Variants in FUNDC2 observed in about 807,000 individuals in gnomAD.
FUNDC2 encodes the protein FUN14 domain containing 2.
FUNDC2 carries 4 observed loss-of-function variants against 15.6 expected under a neutral mutation model. The observed-to-expected ratio is 0.26, with a 90% CI of 0.13 to 0.59. The LOEUF (loss-of-function observed/expected upper bound fraction) is 0.59. Ranked by LOEUF, FUNDC2 falls within the 20% of genes least tolerant of loss-of-function variation. FUNDC2 has a pLI of 0.90. For synonymous variants in FUNDC2, 44 were observed against 56.9 expected (o/e 0.77, Z 1.02); for missense variants, 98 against 149.7 (o/e 0.65, Z 1.80).
At chrX:155,053,683 T>G in intron 4 of FUNDC2, 1 of 203,336 alleles carries the variant, frequency 4.9e-6, no homozygotes, top group Non-Finnish European at 7.3e-6. Flanking sequence ...GAGGATGGGG[T>G]TGGTAGTGTG....
chrX:155,038,111 C>A (rs983561682), intron 2 of FUNDC2, among the ~76,000 whole-genome samples: 1 of 109,042 alleles, frequency 9.2e-6, no homozygotes, highest in African/African-American at 3.4e-5. Context: ...CCTGTAGTCC[C>A]AGCTACTTGG....
At chrX:155,050,132 G>A (rs782707773) in intron 3 of FUNDC2, 1 of 111,864 alleles carries the variant, frequency 8.9e-6, no homozygotes, top group African/African-American at 3.3e-5. Context: ...TATTTAATAG[G>A]AGTGGAGACG....
intron 1 of FUNDC2, among the ~76,000 whole-genome samples, chrX:155,030,457 C>T (rs1178202782): frequency 1.0e-4 from 11 of 107,983 alleles, no homozygotes; most frequent in Non-Finnish European, 1.9e-4. Context: ...GGGAGGATTG[C>T]TTGAGCCCAG....
chrX:155,042,591 C>T (rs1045843066), intron 2 of FUNDC2, among the ~76,000 whole-genome samples: 1 of 111,568 alleles, frequency 9.0e-6, no homozygotes, highest in Non-Finnish European at 1.9e-5. Flanking sequence ...ATATTTTTTT[C>T]TGTCCTCCTT....
At chrX:155,042,175 C>CTTTTTTTTTTTTTTTTTTTTTTTTTTTT (rs1175079092) in intron 2 of FUNDC2, among the ~76,000 whole-genome samples, 2 of 39,189 alleles carry the variant, frequency 5.1e-5, no homozygotes, top group African/African-American at 1.3e-4. Flanking sequence ...CTTTTTCTAT[C>CTTTTTTTTTTTTTTTTTTTTTTTTTTTT]TTTTTTTTTT....
chrX:155,034,549 T>C (rs1233888201), intron 2 of FUNDC2, among the ~76,000 whole-genome samples: 1 of 111,865 alleles, frequency 8.9e-6, no homozygotes, highest in African/African-American at 3.3e-5. Context: ...TGCTAGGTAA[T>C]GGGTATAGGT....
chrX:155,048,387 A>G (rs1557290201), intron 3 of FUNDC2, among the ~76,000 whole-genome samples: 1 of 112,251 alleles, frequency 8.9e-6, no homozygotes, highest in African/African-American at 3.2e-5. Context: ...ATTGAGCAGA[A>G]TTTAGTGAAT....
At position 155,056,243 on chromosome X, in the gene FUNDC2, T is replaced by C. The variant is rs1240899891; in HGVS notation, c.*1571T>C. The C allele has an allele frequency of 8.9e-6, 1 of 112,258 alleles. No homozygotes were observed. Among genetic ancestry groups the C allele is most frequent in the African/African-American group, 3.2e-5 (1 of 30,848 alleles). The allele number at this position is 112,258 out of a possible 1,213,427, so 9.3% of individuals were successfully genotyped here. Reference sequence around the variant, plus strand: ...CTCACTCACAACAATCATCAAATTATAGCTCTGCTGGTTTTTACCAGTTAT... The same window carrying C: ...CTCACTCACAACAATCATCAAATTACAGCTCTGCTGGTTTTTACCAGTTAT... On this transcript the variant is annotated 3_prime_UTR_variant, in exon 5 of 5. Coordinates refer to ENST00000369498, the MANE Select transcript of FUNDC2 (RefSeq NM_023934.4).
chrX:155,030,988 C>G (rs1251392430), intron 1 of FUNDC2, among the ~76,000 whole-genome samples: 1 of 110,800 alleles, frequency 9.0e-6, no homozygotes, highest in East Asian at 2.8e-4. Context: ...CGCCCAGCCC[C>G]TATTTTCTAC....
At chrX:155,047,975 C>T (rs1292339694) in intron 3 of FUNDC2, among the ~76,000 whole-genome samples, 2 of 111,470 alleles carry the variant, frequency 1.8e-5, no homozygotes, top group African/African-American at 6.5e-5. Context: ...CTCTCTCCTT[C>T]CCCTTGACCC....
chrX:155,044,930 T>A (rs1377353809), intron 2 of FUNDC2, among the ~76,000 whole-genome samples: 1 of 112,172 alleles, frequency 8.9e-6, no homozygotes, highest in Non-Finnish European at 1.9e-5. Context: ...GCAGCATTAA[T>A]TTATAGTAGC....
At position 155,057,630 on chromosome X, in the gene FUNDC2, T is replaced by C. The variant is rs2073911958; in HGVS notation, c.*2958T>C. On this transcript the variant is annotated 3_prime_UTR_variant, in exon 5 of 5. Coordinates refer to ENST00000369498, the MANE Select transcript of FUNDC2 (RefSeq NM_023934.4). The stretch of plus-strand genomic sequence containing the variant: ...AGTGAAGGCTTCCCTTCCCTTGTCC[T>C]GCAGCGTGCTGGACAGTGTCCCGGC... The C allele has an allele frequency of 8.9e-6, 1 of 112,130 alleles. No homozygotes were observed. The highest frequency in any genetic ancestry group is 3.3e-5 in the African/African-American group (1 of 30,748). The allele number at this position is 112,130 out of a possible 1,213,427, so 9.2% of individuals were successfully genotyped here. A position where few individuals can be genotyped will look rare whatever the true frequency, so the allele number is the denominator to read the frequency against.
chrX:155,033,506 A>G lies in FUNDC2; in HGVS notation c.237A>G (p.Glu79=), dbSNP rs2073822324. 1 of 1,211,595 alleles carries G rather than the reference A, an allele frequency of 8.3e-7. No individual in the cohort carries two copies. The highest frequency in any genetic ancestry group is 1.1e-6 in the Non-Finnish European group (1 of 895,072). ...LFGQESGPSA[E]KYSVATQLFI... ...GGCAGGAATCTGGACCTTCAGCAGA[A>G]AAGTATAGCGTGGCAACCCAGCTGT... Residue 79 remains glutamate (E), a synonymous_variant, in exon 2 of 5, where the codon GAA becomes GAG. Transcript: ENST00000369498.
chrX:155,039,888 A>G (rs782128047), intron 2 of FUNDC2, among the ~76,000 whole-genome samples: 1 of 111,787 alleles, frequency 8.9e-6, no homozygotes, highest in East Asian at 2.8e-4. Context: ...GAAAAATGTC[A>G]TTGGAATTTT....
At chrX:155,035,501 C>T (rs1251362592) in intron 2 of FUNDC2, among the ~76,000 whole-genome samples, 3 of 111,850 alleles carry the variant, frequency 2.7e-5, no homozygotes, top group African/African-American at 9.8e-5. Context: ...AGATAATGAA[C>T]ATACCTATCA....
rs1569560142 is a variant in FUNDC2 at position 155,028,040 on chromosome X, C to CAGACCAGACTGCTCTTATAGACTTTTATA, written c.133+972_133+973insCCAGACTGCTCTTATAGACTTTTATAAGA. Among the ~76,000 whole-genome samples, 6 of 83,176 alleles carry CAGACCAGACTGCTCTTATAGACTTTTATA rather than the reference C, an allele frequency of 7.2e-5. No individual in the cohort carries two copies. The East Asian group carries it at 1.8e-3, about 24-fold the overall frequency. The allele number at this position is 83,176 out of a possible 115,157, so 72.2% of individuals were successfully genotyped here. A position where few individuals can be genotyped will look rare whatever the true frequency, so the allele number is the denominator to read the frequency against. ...AATGTGATAATTATGTATTTTCCTG[C>CAGACCAGACTGCTCTTATAGACTTTTATA]AGAGCAGACTGCTCTTATAGACTTT... On this transcript the variant is annotated intron_variant, in intron 1 of 4. Coordinates refer to ENST00000369498, the MANE Select transcript of FUNDC2 (RefSeq NM_023934.4).
intron 2 of FUNDC2, among the ~76,000 whole-genome samples, chrX:155,037,922 T>C (rs1557289292): frequency 9.0e-6 from 1 of 111,234 alleles, no homozygotes; most frequent in African/African-American, 3.3e-5. Context: ...TAAAATTCTT[T>C]TAATTGACTA....
At position 155,027,006 on chromosome X, in the gene FUNDC2, A is replaced by C; in HGVS notation, c.68A>C (p.Tyr23Ser). ...VATTARHSAA[Y>S]RADPLRVSSR... ...ACAACTGCGCGCCACTCCGCGGCCTACCGCGCAGATCCTCTACGTGTGTCC... is the reference window on the plus strand; with the variant it reads ...ACAACTGCGCGCCACTCCGCGGCCTCCCGCGCAGATCCTCTACGTGTGTCC... Residue 23 changes from tyrosine to serine, a missense_variant, in exon 1 of 5, where the codon TAC becomes TCC. Physicochemically the swap from Tyr to Ser is moderately radical, Grantham distance 144. Coordinates refer to ENST00000369498, the MANE Select transcript of FUNDC2 (RefSeq NM_023934.4). 1 of 1,203,817 alleles carries C rather than the reference A, an allele frequency of 8.3e-7. No homozygotes were observed. Among genetic ancestry groups the C allele is most frequent in the East Asian group, 3.0e-5 (1 of 33,465 alleles).
intron 3 of FUNDC2, 84 bp downstream of exon 3, chrX:155,046,668 T>C (rs2073863721): frequency 1.3e-6 from 1 of 746,778 alleles, no homozygotes; most frequent in Non-Finnish European, 2.1e-6. Flanking sequence ...AATACAGTCC[T>C]GGCTATGTCA....
Sources: allele counts gnomAD v4.1 joint callset (sites outside exome capture counted in the v4.1 genomes callset), GRCh38; gene constraint gnomAD v4.1.1; transcripts MANE v1.5; gene names NCBI Gene and HGNC (gene_info 2026-07-23, HGNC 2026-07-21).